RAB14: variants seen among roughly 807,000 people sequenced by gnomAD.
RAB14 encodes the protein ras-related protein Rab-14.
In RAB14, 3 loss-of-function variants were observed where a neutral mutation model predicts 31.1. The ratio of observed to expected loss-of-function variants is 0.10; its 90% confidence interval spans 0.04 to 0.25. RAB14 has a LOEUF of 0.25. Among genes scored for constraint, RAB14 ranks in the 10% least tolerant of loss-of-function variants. The pLI, the probability that RAB14 is intolerant of heterozygous loss-of-function variation, is 1.00. For synonymous variants in RAB14, 85 were observed against 84.9 expected, an observed-to-expected ratio of 1.00 and a Z score of 0.00; for missense variants, 111 against 260.1, an observed-to-expected ratio of 0.43 and a Z score of 3.94.
intron 1 of RAB14, among the ~76,000 whole-genome samples, chr9:121,197,551 C>CTATTGTTT (rs2053724958): frequency 6.6e-6 from 1 of 151,960 alleles, no homozygotes; most frequent in East Asian, 1.9e-4. Context: ...ATTGTTGTGA[C>CTATTGTTT]AAAAATAGAA....
chr9:121,191,688 A>G (rs2053687732), intron 3 of RAB14, among the ~76,000 whole-genome samples: 1 of 152,168 alleles, frequency 6.6e-6, no homozygotes, highest in Non-Finnish European at 1.5e-5. Context: ...AGCAGCACAA[A>G]AATGTCAAAG....
At chr9:121,194,904 T>C (rs1336527278) in intron 1 of RAB14, among the ~76,000 whole-genome samples, 1 of 152,204 alleles carries the variant, frequency 6.6e-6, no homozygotes, top group Non-Finnish European at 1.5e-5. Flanking sequence ...CTATCTGTAT[T>C]ACATTTAGTG....
chr9:121,199,457 A>G (rs567380543), intron 1 of RAB14, among the ~76,000 whole-genome samples: 1 of 152,322 alleles, frequency 6.6e-6, no homozygotes, highest in South Asian at 2.1e-4. Flanking sequence ...GCCTCTTTTA[A>G]AAAACATGAA....
intron 4 of RAB14, among the ~76,000 whole-genome samples, chr9:121,188,168 T>C (rs1246205192): frequency 6.6e-6 from 1 of 152,014 alleles, no homozygotes; most frequent in African/African-American, 2.4e-5. Flanking sequence ...CCCCCCAATG[T>C]TTTAGAATTT....
chr9:121,183,235 A>C lies in RAB14; in HGVS notation c.439+76T>G, dbSNP rs1319221189. 1.4e-5 allele frequency: 18 copies of C among 1,290,652 alleles called. No homozygotes were observed. In the Admixed American group the frequency reaches 2.2e-4, roughly 16 times the overall value. The allele number at this position is 1,290,652 out of a possible 1,614,324, so 79.9% of individuals were successfully genotyped here. A position where few individuals can be genotyped will look rare whatever the true frequency, so the allele number is the denominator to read the frequency against. ...CATTTAAAAAAAAAATGCAAAAAAA[A>C]ACCAACAAAACTGTCAAGCCCACCT... On this transcript the variant is annotated intron_variant, in intron 6 of 7. Coordinates refer to ENST00000373840, the MANE Select transcript of RAB14 (RefSeq NM_016322.4).
chr9:121,195,549 T>C (rs2053710619), intron 1 of RAB14, among the ~76,000 whole-genome samples: 1 of 152,168 alleles, frequency 6.6e-6, no homozygotes, highest in African/African-American at 2.4e-5. Flanking sequence ...CATACATTCA[T>C]TAAATGTGAG....
intron 1 of RAB14, among the ~76,000 whole-genome samples, chr9:121,199,567 TTGATAAAAA>T (rs1376424504): frequency 6.6e-6 from 1 of 152,200 alleles, no homozygotes; most frequent in Non-Finnish European, 1.5e-5. Flanking sequence ...ATATTTGATA[TTGATAAAAA>T]TGAACACTCC....
At chr9:121,192,363 T>A in intron 2 of RAB14, 139 bp from the exon 3 acceptor site, 1 of 485,844 alleles carries the variant, frequency 2.1e-6, no homozygotes, top group Admixed American at 3.8e-5. Context: ...TTATAATGAT[T>A]CAAAAGTTTT....
chr9:121,192,417 T>C (rs775646150), intron 2 of RAB14, among the ~76,000 whole-genome samples, 193 bp from the exon 3 acceptor site: 2 of 152,154 alleles, frequency 1.3e-5, no homozygotes, highest in African/African-American at 2.4e-5. Context: ...TCTTTAGCAG[T>C]GACAGAATTT....
At chr9:121,197,382 C>G (rs888182054) in intron 1 of RAB14, among the ~76,000 whole-genome samples, 1 of 152,150 alleles carries the variant, frequency 6.6e-6, no homozygotes. Flanking sequence ...TTTTTCACCA[C>G]CATTTTCACC....
chr9:121,201,115 C>T (rs956390605), intron 1 of RAB14, among the ~76,000 whole-genome samples: 2 of 152,090 alleles, frequency 1.3e-5, no homozygotes, highest in Admixed American at 6.5e-5. Context: ...GACAAGGACA[C>T]CGGAGCTGCC....
At chr9:121,187,906 G>C (rs1333922990) in intron 4 of RAB14, among the ~76,000 whole-genome samples, 1 of 151,978 alleles carries the variant, frequency 6.6e-6, no homozygotes, top group East Asian at 1.9e-4. Flanking sequence ...CTTAACTGGT[G>C]TCAAAATCAG....
At chr9:121,195,805 C>A (rs2053712139) in intron 1 of RAB14, among the ~76,000 whole-genome samples, 1 of 152,084 alleles carries the variant, frequency 6.6e-6, no homozygotes, top group Non-Finnish European at 1.5e-5. Context: ...ACTGTAGCCA[C>A]CAACACTCAC....
At chr9:121,189,352 T>C (rs2053674593) in intron 4 of RAB14, among the ~76,000 whole-genome samples, 11 of 152,134 alleles carry the variant, frequency 7.2e-5, no homozygotes, top group Admixed American at 7.2e-4. Flanking sequence ...TTTATTGAGT[T>C]TTTAATTATG....
chr9:121,183,356 T>G lies in RAB14; in HGVS notation c.394A>C (p.Arg132=). Reference sequence around the variant, plus strand: ...TTGGCTTCTTCATATGTAACATCTCTCTGTGCCTCCAAATCTGCTTTATTT... The same window carrying G: ...TTGGCTTCTTCATATGTAACATCTCGCTGTGCCTCCAAATCTGCTTTATTT... The part of the protein sequence containing the change: ...IGNKADLEAQ[R]DVTYEEAKQF... The change falls in exon 6 of 8, where the codon AGA becomes CGA. Residue 132 remains arginine, a synonymous_variant. Transcript: ENST00000373840. The G allele has an allele frequency of 6.2e-7, 1 of 1,611,128 alleles. No individual in the cohort carries two copies. The highest frequency in any genetic ancestry group is 8.5e-7 in the Non-Finnish European group (1 of 1,178,330).
At chr9:121,194,059 T>C (rs1168144100) in intron 1 of RAB14, among the ~76,000 whole-genome samples, 2 of 150,922 alleles carry the variant, frequency 1.3e-5, no homozygotes, top group African/African-American at 4.9e-5. Flanking sequence ...CATTTTCATA[T>C]AGCTCAACCT....
chr9:121,199,135 C>A (rs947412333), intron 1 of RAB14, among the ~76,000 whole-genome samples: 15 of 152,176 alleles, frequency 9.9e-5, no homozygotes, highest in Admixed American at 3.3e-4. Context: ...CCAAAAAAAA[C>A]CCCTGCACTT....
intron 4 of RAB14, among the ~76,000 whole-genome samples, chr9:121,188,464 A>G (rs930936845): frequency 1.3e-5 from 2 of 151,680 alleles, no homozygotes; most frequent in Admixed American, 6.6e-5. Context: ...ATTGTTATTA[A>G]TTTAATATTC....
At chr9:121,189,303 C>T (rs913423572) in intron 4 of RAB14, among the ~76,000 whole-genome samples, 3 of 152,052 alleles carry the variant, frequency 2.0e-5, no homozygotes, top group Non-Finnish European at 4.4e-5. Flanking sequence ...TGCTTAAAAG[C>T]AAAAACAATA....
Sources: gnomAD v4.1 joint callset for allele counts (sites outside exome capture counted in the v4.1 genomes callset) on GRCh38, gnomAD v4.1.1 for gene constraint, MANE v1.5 for transcripts, NCBI Gene and HGNC (gene_info 2026-07-23, HGNC 2026-07-21) for gene names.